The following MECOM variants were observed in gnomAD, a reference collection of about 807,000 sequenced individuals.
MECOM encodes the protein histone-lysine N-methyltransferase MECOM.
In MECOM, 13 loss-of-function variants were observed where a neutral mutation model predicts 116.3. That is an observed-to-expected ratio of 0.11 (90% confidence interval 0.07 to 0.18). The LOEUF (loss-of-function observed/expected upper bound fraction) is 0.18. Among genes scored for constraint, MECOM ranks in the 10% least tolerant of loss-of-function variants. The pLI, the probability that MECOM is intolerant of heterozygous loss-of-function variation, is 1.00. For missense variants in MECOM, 1,299 were observed against 1,509.0 expected (o/e 0.86, Z 2.31); for synonymous variants, 528 against 535.2 (o/e 0.99, Z 0.19).
intron 2 of MECOM, among the ~76,000 whole-genome samples, chr3:169,192,591 C>G (rs2149428388): frequency 6.6e-6 from 1 of 152,136 alleles, no homozygotes; most frequent in East Asian, 1.9e-4. Flanking sequence ...ACTGCCAAAC[C>G]AGCATTTGCC....
At chr3:169,301,617 A>G (rs1261366172) in intron 2 of MECOM, among the ~76,000 whole-genome samples, 1 of 152,222 alleles carries the variant, frequency 6.6e-6, no homozygotes, top group Non-Finnish European at 1.5e-5. Flanking sequence ...CATATTTTAA[A>G]CTAAATTAAA....
At chr3:169,241,468 G>T (rs1452541334) in intron 2 of MECOM, among the ~76,000 whole-genome samples, 1 of 152,040 alleles carries the variant, frequency 6.6e-6, no homozygotes, top group Non-Finnish European at 1.5e-5. Flanking sequence ...ATAACACCAG[G>T]TATAAAGAGA....
chr3:169,522,962 G>A (rs1441369720), intron 1 of MECOM, among the ~76,000 whole-genome samples: 2 of 152,186 alleles, frequency 1.3e-5, no homozygotes, highest in Non-Finnish European at 2.9e-5. Flanking sequence ...ATCCTGATTA[G>A]CTGTGTTTGC....
chr3:169,380,817 C>A (rs1270152485), intron 2 of MECOM, among the ~76,000 whole-genome samples: 2 of 152,114 alleles, frequency 1.3e-5, no homozygotes, highest in African/African-American at 4.8e-5. Context: ...CAACTCCCCA[C>A]CCCAAAAAAG....
chr3:169,512,200 A>G (rs1756055216), intron 1 of MECOM, among the ~76,000 whole-genome samples: 3 of 152,036 alleles, frequency 2.0e-5, no homozygotes, highest in Admixed American at 2.0e-4. Context: ...TTTGAAATTT[A>G]TCTCCTTCAG....
chr3:169,472,895 A>C (rs1749784299), intron 1 of MECOM: 4 of 835,440 alleles, frequency 4.8e-6, no homozygotes, highest in African/African-American at 1.8e-5. Context: ...GTGGTAAGAC[A>C]AATATGTCAC....
At position 169,465,343 on chromosome 3, in the gene MECOM, TTTAA is replaced by T. The variant is rs1748110941; in HGVS notation, c.38-83823_38-83820del. On this transcript the variant is annotated intron_variant, in intron 1 of 16. Coordinates refer to ENST00000651503, the MANE Select transcript of MECOM (RefSeq NM_004991.4). ...TAATATCTGTTTCCTAGTATTGTTA[TTTAA>T]TTGTTATTTCATATTCCTAGTATTG... Among the ~76,000 whole-genome samples, 8 of 152,352 alleles carry T rather than the reference TTTAA, an allele frequency of 5.3e-5. No individual in the cohort carries two copies. The South Asian group carries it at 1.4e-3, about 28-fold the overall frequency.
intron 2 of MECOM, among the ~76,000 whole-genome samples, chr3:169,307,133 C>T (rs1366407598): frequency 6.6e-6 from 1 of 152,138 alleles, no homozygotes; most frequent in Non-Finnish European, 1.5e-5. Context: ...AACAATTACC[C>T]TAGTTTCCCT....
chr3:169,431,787 C>G (rs1741684975), intron 1 of MECOM, among the ~76,000 whole-genome samples: 1 of 152,100 alleles, frequency 6.6e-6, no homozygotes, highest in East Asian at 1.9e-4. Context: ...ATAGAAATGG[C>G]TAAGAGCATC....
chr3:169,300,456 T>G (rs1716498524), intron 2 of MECOM, among the ~76,000 whole-genome samples: 1 of 152,220 alleles, frequency 6.6e-6, no homozygotes, highest in Admixed American at 6.5e-5. Context: ...AACATTTTAG[T>G]TAACCCAGTT....
chr3:169,197,073 A>G (rs868308444), intron 2 of MECOM, among the ~76,000 whole-genome samples: 1 of 152,032 alleles, frequency 6.6e-6, no homozygotes, highest in Non-Finnish European at 1.5e-5. Flanking sequence ...ACAGAAAACC[A>G]AATACTGCAT....
At chr3:169,469,827 C>T (rs3851385) in intron 1 of MECOM, among the ~76,000 whole-genome samples, 31,751 of 152,108 alleles carry the variant, frequency 0.21, 5,214 homozygotes, top group African/African-American at 0.43. Flanking sequence ...AGATTAATAA[C>T]TCACTTTCTC....
chr3:169,146,708 G>A lies in MECOM; in HGVS notation c.376-2876C>T. ...CCCAGACTTTTTTTCCTTTTAAAGTGAGGAGTTCTCTTACCTTTAGATTTC... is the reference window on the plus strand; with the variant it reads ...CCCAGACTTTTTTTCCTTTTAAAGTAAGGAGTTCTCTTACCTTTAGATTTC... On this transcript the variant is annotated intron_variant, in intron 2 of 16. Transcript: ENST00000651503. 5.6e-6 allele frequency: 7 copies of A among 1,253,066 alleles called. 1 individual carries two copies. The South Asian group carries it at 8.1e-5, about 14-fold the overall frequency. The allele number at this position is 1,253,066 out of a possible 1,614,324, so 77.6% of individuals were successfully genotyped here. A position where few individuals can be genotyped will look rare whatever the true frequency, so the allele number is the denominator to read the frequency against.
At chr3:169,250,708 T>C (rs934268229) in intron 2 of MECOM, among the ~76,000 whole-genome samples, 2 of 152,176 alleles carry the variant, frequency 1.3e-5, no homozygotes, top group African/African-American at 2.4e-5. Context: ...GAAATTCAAT[T>C]TGAGTATGCA....
At chr3:169,658,328 A>G (rs936401079) in intron 1 of MECOM, among the ~76,000 whole-genome samples, 1 of 152,142 alleles carries the variant, frequency 6.6e-6, no homozygotes, top group Non-Finnish European at 1.5e-5. Context: ...CTCTTCCCCA[A>G]ACTCACTCTC....
At chr3:169,437,917 G>A (rs565088444) in intron 1 of MECOM, among the ~76,000 whole-genome samples, 1 of 152,260 alleles carries the variant, frequency 6.6e-6, no homozygotes, top group African/African-American at 2.4e-5. Context: ...CTCCTAAAAT[G>A]TATCAAGGGA....
intron 4 of MECOM, among the ~76,000 whole-genome samples, chr3:169,130,882 T>C (rs1415183572): frequency 6.6e-6 from 1 of 152,208 alleles, no homozygotes; most frequent in Non-Finnish European, 1.5e-5. Flanking sequence ...TGATTATCAT[T>C]ATTTTTTATT....
At position 169,585,283 on chromosome 3, in the gene MECOM, G is replaced by A. The variant is rs1367268130; in HGVS notation, c.37+78053C>T. On this transcript the variant is annotated intron_variant, in intron 1 of 16. Coordinates refer to ENST00000651503, the MANE Select transcript of MECOM (RefSeq NM_004991.4). Reference sequence around the variant, plus strand: ...GTCATTACCTCTGAAGTTTAATGCAGGGGAATGGGACAGGCAATTGAATAG... The same window carrying A: ...GTCATTACCTCTGAAGTTTAATGCAAGGGAATGGGACAGGCAATTGAATAG... Among the ~76,000 whole-genome samples, 8 of 152,264 alleles carry A rather than the reference G, an allele frequency of 5.3e-5. No individual in the cohort carries two copies. In the South Asian group the frequency reaches 1.0e-3, roughly 20 times the overall value.
At chr3:169,256,995 C>T (rs1756948979) in intron 2 of MECOM, among the ~76,000 whole-genome samples, 1 of 152,158 alleles carries the variant, frequency 6.6e-6, no homozygotes, top group Non-Finnish European at 1.5e-5. Context: ...TCATGGCAGG[C>T]TGCCAGGAAG....
Sources: gnomAD v4.1 joint callset for allele counts (sites outside exome capture counted in the v4.1 genomes callset) on GRCh38, gnomAD v4.1.1 for gene constraint, MANE v1.5 for transcripts, NCBI Gene and HGNC (gene_info 2026-07-23, HGNC 2026-07-21) for gene names.